PPARG: variants seen among roughly 807,000 people sequenced by gnomAD.
The protein encoded by PPARG is peroxisome proliferator-activated receptor gamma.
A neutral mutation model predicts 39.2 loss-of-function variants in PPARG; 17 were observed. That is an observed-to-expected ratio of 0.43 (90% CI 0.30 to 0.65). The LOEUF (loss-of-function observed/expected upper bound fraction) is 0.65, where lower values mean the gene tolerates loss of function less well. Ranked by LOEUF, PPARG falls within the 30% of genes least tolerant of loss-of-function variation. PPARG has a pLI of 0.13. For synonymous variants in PPARG, 223 were observed against 215.7 expected, an observed-to-expected ratio of 1.03 and a Z score of -0.30; for missense variants, 406 against 585.9, an observed-to-expected ratio of 0.69 and a Z score of 3.17.
chr3:12,354,589 T>G (rs1404233483), intron 2 of PPARG, among the ~76,000 whole-genome samples: 6 of 151,742 alleles, frequency 4.0e-5, no homozygotes, highest in African/African-American at 1.5e-4. Context: ...CTGTCTCTAC[T>G]AAAAATACAA....
chr3:12,406,142 C>A, intron 6 of PPARG, 61 bp downstream of exon 6: 1 of 1,510,194 alleles, frequency 6.6e-7, no homozygotes, highest in South Asian at 1.2e-5. Context: ...GTTTTTGTTT[C>A]TTTGAGTAAA....
intron 2 of PPARG, among the ~76,000 whole-genome samples, chr3:12,370,391 C>G (rs914357550): frequency 6.6e-6 from 1 of 151,818 alleles, no homozygotes; most frequent in African/African-American, 2.4e-5. Flanking sequence ...GAAATCCTTT[C>G]TCTCTTGGGT....
chr3:12,298,740 T>A (rs2124945821), intron 1 of PPARG, among the ~76,000 whole-genome samples: 1 of 152,342 alleles, frequency 6.6e-6, no homozygotes, highest in South Asian at 2.1e-4. Context: ...AGTTTATAGA[T>A]CTTAGAATGT....
intron 7 of PPARG, among the ~76,000 whole-genome samples, chr3:12,424,875 A>T (rs975124396): frequency 6.6e-6 from 1 of 152,208 alleles, no homozygotes; most frequent in Non-Finnish European, 1.5e-5. Context: ...GACCCTGAGC[A>T]AACCAAATAA....
chr3:12,315,567 C>A (rs762534195), intron 2 of PPARG, among the ~76,000 whole-genome samples: 4 of 152,154 alleles, frequency 2.6e-5, no homozygotes, highest in Non-Finnish European at 4.4e-5. Flanking sequence ...ATTAGATTTT[C>A]GCTAATTTAT....
chr3:12,394,866 A>G (rs1214058890), intron 5 of PPARG, among the ~76,000 whole-genome samples: 1 of 152,252 alleles, frequency 6.6e-6, no homozygotes, highest in Non-Finnish European at 1.5e-5. Context: ...ATTCATATAG[A>G]ATGCCTTTTT....
At position 12,426,798 on chromosome 3, in the gene PPARG, C is replaced by T. The variant is rs552318235; in HGVS notation, c.1181-7100C>T. 9.2e-5 allele frequency among the ~76,000 whole-genome samples: 14 copies of T among 152,288 alleles called. No individual in the cohort carries two copies. In the South Asian group the frequency reaches 1.4e-3, roughly 16 times the overall value. On this transcript the variant is annotated intron_variant, in intron 7 of 7. Transcript: ENST00000651735. ...TGACCAACACTATGAGTTAAATTAC[C>T]GCTACAGCTCCAATTGTTAAAGTGA...
At chr3:12,406,209 CAT>C (rs2050661156) in intron 6 of PPARG, 128 bp downstream of exon 6, 2 of 967,230 alleles carry the variant, frequency 2.1e-6, no homozygotes, top group African/African-American at 1.6e-5. Flanking sequence ...TGGCTGTTAA[CAT>C]ATTGCAGGCT....
chr3:12,364,333 T>C (rs1472265508), intron 2 of PPARG, among the ~76,000 whole-genome samples: 1 of 152,236 alleles, frequency 6.6e-6, no homozygotes, highest in Non-Finnish European at 1.5e-5. Context: ...GTTTGACTTC[T>C]TTCACTTACC....
chr3:12,360,801 T>C (rs2048821630), intron 2 of PPARG, among the ~76,000 whole-genome samples: 1 of 152,242 alleles, frequency 6.6e-6, no homozygotes. Context: ...TGTTTCATTG[T>C]ATAAATATAT....
intron 2 of PPARG, among the ~76,000 whole-genome samples, chr3:12,346,477 A>G (rs1410335176): frequency 1.3e-5 from 2 of 152,222 alleles, no homozygotes; most frequent in Non-Finnish European, 2.9e-5. Context: ...GAGATGAGAA[A>G]TGTGGACCCA....
intron 2 of PPARG, among the ~76,000 whole-genome samples, chr3:12,343,484 C>G (rs1474357208): frequency 6.6e-6 from 1 of 152,176 alleles, no homozygotes; most frequent in Non-Finnish European, 1.5e-5. Context: ...AACTCAATTT[C>G]TTTATCTGTA....
At chr3:12,366,328 G>A (rs1347428790) in intron 2 of PPARG, among the ~76,000 whole-genome samples, 2 of 151,486 alleles carry the variant, frequency 1.3e-5, no homozygotes, top group Non-Finnish European at 3.0e-5. Flanking sequence ...CTAGGTCCAG[G>A]AGATTTTTTT....
At chr3:12,294,956 G>A (rs972390699) in intron 1 of PPARG, among the ~76,000 whole-genome samples, 10 of 152,162 alleles carry the variant, frequency 6.6e-5, no homozygotes, top group African/African-American at 2.2e-4. Flanking sequence ...AGTATGGCAA[G>A]CCAGTGCATC....
chr3:12,385,826 C>G (rs552584877), intron 4 of PPARG, among the ~76,000 whole-genome samples: 1 of 152,290 alleles, frequency 6.6e-6, no homozygotes, highest in South Asian at 2.1e-4. Context: ...GGAAAGCCAA[C>G]TGCAAGCCCA....
intron 3 of PPARG, 147 bp downstream of exon 3, chr3:12,380,078 A>T: frequency 1.2e-6 from 1 of 835,528 alleles, no homozygotes; most frequent in Non-Finnish European, 1.9e-6. Context: ...TATCCATGAA[A>T]TATTAGGTAT....
intron 2 of PPARG, among the ~76,000 whole-genome samples, chr3:12,345,735 C>A (rs2048307426): frequency 6.6e-6 from 1 of 152,172 alleles, no homozygotes; most frequent in Non-Finnish European, 1.5e-5. Context: ...TCCTTTAGTA[C>A]AGTCACAGAA....
At chr3:12,304,008 A>T (rs979331116) in intron 1 of PPARG, among the ~76,000 whole-genome samples, 1 of 152,242 alleles carries the variant, frequency 6.6e-6, no homozygotes, top group Admixed American at 6.5e-5. Flanking sequence ...TCAATTTTGA[A>T]CTTATCTGTA....
At chr3:12,349,822 G>A (rs1006385239) in intron 2 of PPARG, among the ~76,000 whole-genome samples, 6 of 152,304 alleles carry the variant, frequency 3.9e-5, no homozygotes, top group Middle Eastern at 6.8e-3. Flanking sequence ...GTTAAAATAT[G>A]TAATCTTATG....
Sources: gnomAD v4.1 joint callset for allele counts (sites outside exome capture counted in the v4.1 genomes callset) on GRCh38, gnomAD v4.1.1 for gene constraint, MANE v1.5 for transcripts, NCBI Gene and HGNC (gene_info 2026-07-23, HGNC 2026-07-21) for gene names.